TMEM26: variants seen among roughly 807,000 people sequenced by gnomAD.
The protein encoded by TMEM26 is transmembrane protein 26.
TMEM26 carries 38 observed loss-of-function variants against 28.8 expected under a neutral mutation model. The observed-to-expected ratio is 1.32, with a 90% CI of 1.02 to 1.73. The LOEUF (loss-of-function observed/expected upper bound fraction) is 1.73. TMEM26 is among the 40% of genes most tolerant of loss of function. The probability of loss-of-function intolerance (pLI) is 0.00; values close to 1 mark genes in which losing one functional copy is unlikely to be tolerated. For missense variants in TMEM26, 518 were observed against 447.1 expected, an observed-to-expected ratio of 1.16 and a Z score of -1.43; for synonymous variants, 227 against 182.9, an observed-to-expected ratio of 1.24 and a Z score of -1.95.
intron 3 of TMEM26, among the ~76,000 whole-genome samples, chr10:61,430,879 A>T (rs1247447739): frequency 6.6e-6 from 1 of 151,976 alleles, no homozygotes; most frequent in East Asian, 1.9e-4. Context: ...TCCTCTAAAA[A>T]ATAAATCTTA....
In TMEM26 at chr10:61,407,448, T is replaced by C. The variant is rs576394168; in HGVS notation, c.*2874A>G. The stretch of plus-strand genomic sequence containing the variant: ...TGGCCAATTCAAAATTTTATTTCAT[T>C]ATGCTATTGAAACAGCTCAAATAAA... On this transcript the variant is annotated 3_prime_UTR_variant, in exon 6 of 6. Coordinates refer to ENST00000399298, the MANE Select transcript of TMEM26 (RefSeq NM_178505.8). 1 of 152,270 alleles carries C rather than the reference T, an allele frequency of 6.6e-6. No homozygotes were observed. Among genetic ancestry groups the C allele is most frequent in the Admixed American group, 6.5e-5 (1 of 15,290 alleles). 9.4% of individuals were successfully genotyped at this position (152,270 alleles called of 1,614,324 possible).
intron 4 of TMEM26, among the ~76,000 whole-genome samples, chr10:61,427,901 C>T (rs16916132): frequency 0.019 from 2,819 of 152,154 alleles, 41 homozygotes; most frequent in South Asian, 0.027. Flanking sequence ...GACATTAAAA[C>T]TACGGAACTA....
At chr10:61,434,212 T>C (rs999733009) in intron 2 of TMEM26, among the ~76,000 whole-genome samples, 3 of 152,198 alleles carry the variant, frequency 2.0e-5, no homozygotes, top group Non-Finnish European at 4.4e-5. Context: ...CCTCTGGGCA[T>C]TCATTTTAAT....
At chr10:61,443,384 G>A (rs1178570661) in intron 1 of TMEM26, among the ~76,000 whole-genome samples, 1 of 151,786 alleles carries the variant, frequency 6.6e-6, no homozygotes, top group Non-Finnish European at 1.5e-5. Context: ...AGAATGGTGT[G>A]AACCTGGGAG....
intron 5 of TMEM26, among the ~76,000 whole-genome samples, chr10:61,413,227 A>G (rs1298824075): frequency 6.6e-6 from 1 of 152,122 alleles, no homozygotes; most frequent in Non-Finnish European, 1.5e-5. Flanking sequence ...TATTTGAAGT[A>G]AATATAACAC....
At chr10:61,424,027 T>C (rs1387318451) in intron 4 of TMEM26, among the ~76,000 whole-genome samples, 9 of 152,188 alleles carry the variant, frequency 5.9e-5, no homozygotes, top group Non-Finnish European at 1.3e-4. Flanking sequence ...AGAATGCTTA[T>C]CTTTTGAGAT....
Position 61,436,216 on chromosome 10 carries a change from C to G in TMEM26, c.224G>C (p.Ser75Thr). The change falls in exon 2 of 6, where the codon AGC becomes ACC. Residue 75 changes from serine (S) to threonine (T), a missense_variant. Physicochemically the swap from Ser to Thr is moderately conservative, Grantham distance 58. Transcript: ENST00000399298. ...AAGAAGCCATAATGATGGAACGATGCTAATCAGATATAAAAATATGGCTGG... is the reference window on the plus strand; with the variant it reads ...AAGAAGCCATAATGATGGAACGATGGTAATCAGATATAAAAATATGGCTGG... Reference protein sequence around the residue: ...FSPAIFLYLISIVPSLWLLEL... With the variant: ...FSPAIFLYLITIVPSLWLLEL... 2 of 1,606,430 alleles carry G rather than the reference C, an allele frequency of 1.2e-6. No homozygotes were observed. The highest frequency in any genetic ancestry group is 1.7e-6 in the Non-Finnish European group (2 of 1,176,742).
chr10:61,429,086 G>A lies in TMEM26; in HGVS notation c.445C>T (p.His149Tyr), dbSNP rs1170487760. 1 of 1,613,242 alleles carries A rather than the reference G, an allele frequency of 6.2e-7. No individual in the cohort carries two copies. Among genetic ancestry groups the A allele is most frequent in the East Asian group, 2.2e-5 (1 of 44,856 alleles). ...VCEKVWTLGL[H>Y]QTFLLMLIIG... ...ATTAGCATTAACAGGAATGTCTGAT[G>A]GAGTCCCAATGTCCAAACTTTCTCA... The change falls in exon 4 of 6, where the codon CAT becomes TAT. Residue 149 changes from histidine to tyrosine, a missense_variant. His to Tyr is a moderately conservative substitution (Grantham distance 83). Coordinates refer to ENST00000399298, the MANE Select transcript of TMEM26 (RefSeq NM_178505.8).
intron 4 of TMEM26, chr10:61,413,831 A>G: frequency 9.7e-7 from 1 of 1,033,642 alleles, no homozygotes; most frequent in South Asian, 4.3e-5. Flanking sequence ...TGGGAGAAAA[A>G]TGATAGGGGA....
rs796076600 is a variant in TMEM26 at position 61,415,065 on chromosome 10, G to C, written c.606-1530C>G. On this transcript the variant is annotated intron_variant, in intron 4 of 5. Coordinates refer to ENST00000399298, the MANE Select transcript of TMEM26 (RefSeq NM_178505.8). ...ATGACTTGGTGGACATTGATGGAAGGCTTCTCACATGCACATATGGCATAG... is the reference window on the plus strand; with the variant it reads ...ATGACTTGGTGGACATTGATGGAAGCCTTCTCACATGCACATATGGCATAG... 11 of 985,172 alleles carry C rather than the reference G, an allele frequency of 1.1e-5. No individual in the cohort carries two copies. In the South Asian group the frequency reaches 5.2e-4, roughly 46 times the overall value. 61.0% of individuals were successfully genotyped at this position (985,172 alleles called of 1,614,324 possible).
chr10:61,413,892 T>A (rs1372681563), intron 4 of TMEM26: 1 of 992,690 alleles, frequency 1.0e-6, no homozygotes, highest in Non-Finnish European at 1.2e-6. Flanking sequence ...TCAAGGAATG[T>A]CAGTGGGAGG....
chr10:61,415,480 C>A (rs542472142), intron 4 of TMEM26, among the ~76,000 whole-genome samples: 1 of 152,126 alleles, frequency 6.6e-6, no homozygotes, highest in African/African-American at 2.4e-5. Flanking sequence ...TCATGCCAGG[C>A]AGTTTTCTAA....
At chr10:61,442,399 T>C (rs888781713) in intron 1 of TMEM26, among the ~76,000 whole-genome samples, 3 of 152,200 alleles carry the variant, frequency 2.0e-5, no homozygotes, top group Non-Finnish European at 2.9e-5. Flanking sequence ...AGTAAGCCTA[T>C]AGAAGAAAAA....
intron 1 of TMEM26, among the ~76,000 whole-genome samples, chr10:61,447,854 C>T (rs1840211251): frequency 6.6e-6 from 1 of 152,216 alleles, no homozygotes; most frequent in Non-Finnish European, 1.5e-5. Context: ...GCACACCCCC[C>T]TCACTCTGTC....
At position 61,428,925 on chromosome 10, in the gene TMEM26, C is replaced by A. The variant is rs771730431; in HGVS notation, c.605+1G>T. 1 of 1,612,636 alleles carries A rather than the reference C, an allele frequency of 6.2e-7. No homozygotes were observed. The highest frequency in any genetic ancestry group is 2.2e-5 in the East Asian group (1 of 44,860). On this transcript the variant is annotated splice_donor_variant, in intron 4 of 5. Coordinates refer to ENST00000399298, the MANE Select transcript of TMEM26 (RefSeq NM_178505.8). LOFTEE classifies it high-confidence loss of function. ...GTGTTTTTGCTGCAAGGAATGCTCACCTCACATTTTGTTCTTCTAGGGTCT... is the reference window on the plus strand; with the variant it reads ...GTGTTTTTGCTGCAAGGAATGCTCAACTCACATTTTGTTCTTCTAGGGTCT...
chr10:61,421,036 G>T (rs1839737829), intron 4 of TMEM26, among the ~76,000 whole-genome samples: 1 of 151,822 alleles, frequency 6.6e-6, no homozygotes, highest in South Asian at 2.1e-4. Flanking sequence ...AAAGGAAGAG[G>T]AGGAAACAGA....
At chr10:61,440,880 G>C (rs949193107) in intron 1 of TMEM26, among the ~76,000 whole-genome samples, 9 of 152,252 alleles carry the variant, frequency 5.9e-5, no homozygotes, top group Middle Eastern at 3.4e-3. Context: ...CCTGCAGGTA[G>C]CAAACACTGC....
chr10:61,413,411 C>A, intron 5 of TMEM26, 48 bp downstream of exon 5: 1 of 1,596,056 alleles, frequency 6.3e-7, no homozygotes, highest in South Asian at 1.1e-5. Context: ...AGTTAATAAT[C>A]AAGAGGTGTA....
At chr10:61,450,276 A>C (rs2135341291) in intron 1 of TMEM26, among the ~76,000 whole-genome samples, 1 of 152,278 alleles carries the variant, frequency 6.6e-6, no homozygotes, top group African/African-American at 2.4e-5. Context: ...TCTCTATTTA[A>C]TTCCATCAGC....
Sources: gnomAD v4.1 joint callset for allele counts (sites outside exome capture counted in the v4.1 genomes callset) on GRCh38, gnomAD v4.1.1 for gene constraint, MANE v1.5 for transcripts, NCBI Gene and HGNC (gene_info 2026-07-23, HGNC 2026-07-21) for gene names.